Variants in ZNF701 observed in about 807,000 individuals in gnomAD.
ZNF701 encodes zinc finger protein 701.
In ZNF701, 6 loss-of-function variants were observed where a neutral mutation model predicts 7.1. The ratio of observed to expected loss-of-function variants is 0.84; its 90% CI spans 0.46 to 1.66. The LOEUF is 1.66. Among genes scored for constraint, ZNF701 ranks in the 40% most tolerant of loss-of-function variants. The pLI is 0.01. For missense variants in ZNF701, 541 were observed against 559.2 expected, an observed-to-expected ratio of 0.97 and a Z score of 0.33; for synonymous variants, 166 against 188.2, an observed-to-expected ratio of 0.88 and a Z score of 0.97.
chr19:52,578,953 T>C (rs982915258), intron 3 of ZNF701, among the ~76,000 whole-genome samples: 3 of 149,676 alleles, frequency 2.0e-5, no homozygotes, highest in Non-Finnish European at 2.9e-5. Context: ...AGAGACAGGG[T>C]TTCACCGTGG....
chr19:52,573,076 T>C (rs562721316), intron 1 of ZNF701: 10 of 204,162 alleles, frequency 4.9e-5, no homozygotes, highest in South Asian at 4.4e-4. Flanking sequence ...AACACACTTT[T>C]TTTCTTTTTC....
intron 3 of ZNF701, among the ~76,000 whole-genome samples, chr19:52,580,159 G>A (rs2059966027): frequency 6.9e-6 from 1 of 144,442 alleles, no homozygotes; most frequent in Non-Finnish European, 1.5e-5. Flanking sequence ...TAGCCAGGAT[G>A]GTCTCAATCT....
intron 1 of ZNF701, chr19:52,572,619 G>A (rs754612848): frequency 9.5e-5 from 33 of 348,274 alleles, no homozygotes; most frequent in Non-Finnish European, 8.9e-5. Context: ...CCTTCTCAGC[G>A]TGACTCGGTG....
At position 52,570,289 on chromosome 19, in the gene ZNF701, A is replaced by C. The variant is rs531335872; in HGVS notation, c.-113A>C. 1.9e-4 allele frequency: 29 copies of C among 154,196 alleles called. No individual in the cohort carries two copies. Among genetic ancestry groups the C allele is most frequent in the African/African-American group, 6.7e-4 (28 of 41,616 alleles). The allele number at this position is 154,196 out of a possible 1,614,324, so 9.6% of individuals were successfully genotyped here. A position where few individuals can be genotyped will look rare whatever the true frequency, so the allele number is the denominator to read the frequency against. Reference sequence around the variant, plus strand: ...GTCCTGTGCGCACACATCCGCGCAGACCAGGAAGCGGATCCCGTGGAGTGA... The same window carrying C: ...GTCCTGTGCGCACACATCCGCGCAGCCCAGGAAGCGGATCCCGTGGAGTGA... On this transcript the variant is annotated 5_prime_UTR_variant, in exon 1 of 4. Transcript: ENST00000391785.
At chr19:52,591,786 A>G (rs2169528), downstream of ZNF701, among the ~76,000 whole-genome samples, 66,335 of 151,856 alleles carry the variant, frequency 0.44, 14,504 homozygotes, top group Middle Eastern at 0.48. Context: ...AAACTCCTCA[A>G]GTCAGGTGAT....
intron 3 of ZNF701, among the ~76,000 whole-genome samples, chr19:52,576,972 C>T (rs1036452617): frequency 6.6e-6 from 1 of 151,554 alleles, no homozygotes; most frequent in African/African-American, 2.4e-5. Flanking sequence ...AGTGGAAGCT[C>T]CACCTTCAAA....
chr19:52,583,414 A>G lies in ZNF701; in HGVS notation c.1355A>G (p.Asn452Ser). 1.9e-6 allele frequency: 3 copies of G among 1,613,724 alleles called. No homozygotes were observed. Among genetic ancestry groups the G allele is most frequent in the Non-Finnish European group, 2.5e-6 (3 of 1,179,788 alleles). The change falls in exon 4 of 4, where the codon AAC becomes AGC. Residue 452 changes from asparagine (N) to serine (S), a missense_variant. Asn to Ser is a conservative substitution (Grantham distance 46). Coordinates refer to ENST00000391785, the MANE Select transcript of ZNF701 (RefSeq NM_018260.3). ...ECGKVFNRKSNLERHHRLHTG... is the reference protein window; with the variant it reads ...ECGKVFNRKSSLERHHRLHTG... ...GGCAAGGTTTTTAATCGAAAATCAAACCTTGAACGTCATCATAGACTTCAT... is the reference window on the plus strand; with the variant it reads ...GGCAAGGTTTTTAATCGAAAATCAAGCCTTGAACGTCATCATAGACTTCAT...
At chr19:52,572,505 G>T in intron 1 of ZNF701, 1 of 827,454 alleles carries the variant, frequency 1.2e-6, no homozygotes, top group Non-Finnish European at 1.7e-6. Flanking sequence ...TGTGAAAGAG[G>T]CTTCTCTAAT....
chr19:52,595,801 T>C, the ZNF701 span: 2 of 1,606,236 alleles, frequency 1.2e-6, no homozygotes, highest in East Asian at 2.2e-5. Flanking sequence ...GAAATGGCCA[T>C]GAAGCACCCA....
chr19:52,582,889 A>G lies in ZNF701; in HGVS notation c.830A>G (p.Lys277Arg). 8 of 1,613,232 alleles carry G rather than the reference A, an allele frequency of 5.0e-6. No homozygotes were observed. Among genetic ancestry groups the G allele is most frequent in the Non-Finnish European group, 5.9e-6 (7 of 1,179,348 alleles). Residue 277 changes from lysine to arginine, a missense_variant, in exon 4 of 4, where the codon AAG (lysine) becomes AGG (arginine). By Grantham distance (26) the Lys-to-Arg change is conservative. Transcript: ENST00000391785. Reference sequence around the variant, plus strand: ...CCTTACACGTGTAATGAGTGTGGCAAGACATTCAGTCACAATTCAGCCCTG... The same window carrying G: ...CCTTACACGTGTAATGAGTGTGGCAGGACATTCAGTCACAATTCAGCCCTG... ...ENPYTCNECG[K>R]TFSHNSALLV...
At chr19:52,571,517 G>T (rs2059899828) in intron 1 of ZNF701, among the ~76,000 whole-genome samples, 1 of 152,076 alleles carries the variant, frequency 6.6e-6, no homozygotes, top group African/African-American at 2.4e-5. Flanking sequence ...TGAGGATGGA[G>T]CCCAGGTAAT....
chr19:52,587,296 G>C (rs919959407), downstream of ZNF701: 3 of 152,598 alleles, frequency 2.0e-5, no homozygotes, highest in African/African-American at 7.3e-5. Flanking sequence ...TCATCCTTAG[G>C]GATCTGTGCT....
chr19:52,572,769 C>T (rs2059909328), intron 1 of ZNF701: 4 of 390,172 alleles, frequency 1.0e-5, no homozygotes, highest in Non-Finnish European at 2.0e-5. Flanking sequence ...GCCCTGTGTC[C>T]AGGGCCCCTG....
downstream of ZNF701, among the ~76,000 whole-genome samples, chr19:52,591,781 C>A (rs35379780): frequency 0.44 from 66,353 of 151,908 alleles, 14,508 homozygotes; most frequent in Middle Eastern, 0.47. Context: ...GTCTCAAACT[C>A]CTCAAGTCAG....
Position 52,584,216 on chromosome 19 carries a change from G to T in ZNF701, c.*759G>T, listed in dbSNP as rs569681608. 1.2e-4 allele frequency: 31 copies of T among 260,282 alleles called. No homozygotes were observed. The South Asian group carries it at 1.3e-3, about 11-fold the overall frequency. 16.1% of individuals were successfully genotyped at this position (260,282 alleles called of 1,614,324 possible). ...TTTTGAGGTAATAGTTACAAATGCG[G>T]TGAGCACAGCAAACCATCAAGGATT... On this transcript the variant is annotated 3_prime_UTR_variant, in exon 4 of 4. Transcript: ENST00000391785.
downstream of ZNF701, among the ~76,000 whole-genome samples, chr19:52,587,667 G>A (rs947559804): frequency 1.3e-5 from 2 of 152,212 alleles, no homozygotes; most frequent in Admixed American, 6.5e-5. Flanking sequence ...GTCCGTAAGC[G>A]GAGAGCAGAA....
At position 52,583,491 on chromosome 19, in the gene ZNF701, C is replaced by G; in HGVS notation, c.*34C>G. The G allele has an allele frequency of 6.2e-7, 1 of 1,607,902 alleles. No individual in the cohort carries two copies. The highest frequency in any genetic ancestry group is 8.5e-7 in the Non-Finnish European group (1 of 1,176,190). On this transcript the variant is annotated 3_prime_UTR_variant, in exon 4 of 4. Coordinates refer to ENST00000391785, the MANE Select transcript of ZNF701 (RefSeq NM_018260.3). The stretch of plus-strand genomic sequence containing the variant: ...ATTTGCAAGGTTTTTAGGCAACAGT[C>G]AAACCTTGCATGTCATCATAGACTT...
chr19:52,574,216 A>T (rs2059918564), intron 2 of ZNF701, 54 bp downstream of exon 2: 1 of 1,597,946 alleles, frequency 6.3e-7, no homozygotes, highest in African/African-American at 1.3e-5. Context: ...AGAAATGCTG[A>T]TCTTGGAGTT....
downstream of ZNF701, among the ~76,000 whole-genome samples, chr19:52,591,501 T>G (rs550552747): frequency 1.3e-5 from 2 of 152,244 alleles, no homozygotes; most frequent in South Asian, 2.1e-4. Context: ...ATAGTTTGTT[T>G]GTTTTTTGAC....
Sources: allele counts gnomAD v4.1 joint callset (sites outside exome capture counted in the v4.1 genomes callset), GRCh38; gene constraint gnomAD v4.1.1; transcripts MANE v1.5; gene names NCBI Gene and HGNC (gene_info 2026-07-23, HGNC 2026-07-21).